CCL18: variants seen among roughly 807,000 people sequenced by gnomAD.
The protein encoded by CCL18 is C-C motif chemokine ligand 18, also known as C-C motif chemokine 18.
In CCL18, 7 loss-of-function variants were observed where a neutral mutation model predicts 8.0. The ratio of observed to expected loss-of-function variants is 0.87; its 90% CI spans 0.50 to 1.64. The LOEUF (loss-of-function observed/expected upper bound fraction) is 1.64, where lower values mean the gene tolerates loss of function less well. Among genes scored for constraint, CCL18 ranks in the 40% most tolerant of loss-of-function variants. The pLI is 0.00. For missense variants in CCL18, 95 were observed against 107.8 expected, an observed-to-expected ratio of 0.88 and a Z score of 0.52; for synonymous variants, 35 against 41.3, an observed-to-expected ratio of 0.85 and a Z score of 0.59.
intron 1 of CCL18, 86 bp from the exon 2 acceptor site, chr17:36,070,361 T>C: frequency 1.3e-6 from 1 of 773,354 alleles, no homozygotes; most frequent in Non-Finnish European, 2.3e-6. Flanking sequence ...CTCCCAGTTC[T>C]TCCTGACTCT....
At position 36,064,362 on chromosome 17, in the gene CCL18, C is replaced by T. The variant is rs377682562; in HGVS notation, c.20C>T (p.Ala7Val). Residue 7 changes from alanine (A) to valine (V), a missense_variant, in exon 1 of 3, where the codon GCC becomes GTC. Physicochemically the swap from Ala to Val is moderately conservative, Grantham distance 64. Coordinates refer to ENST00000616054, the MANE Select transcript of CCL18 (RefSeq NM_002988.4). MKGLAA[A>V]LLVLVCTMAL... ...AGCATCATGAAGGGCCTTGCAGCTG[C>T]CCTCCTTGTCCTCGTCTGCACCATG... The T allele has an allele frequency of 1.2e-5, 19 of 1,613,936 alleles. No homozygotes were observed. The highest frequency in any genetic ancestry group is 1.5e-5 in the Non-Finnish European group (18 of 1,179,966).
At chr17:36,070,783 G>A (rs1476953068) in intron 2 of CCL18, among the ~76,000 whole-genome samples, 168 bp from the exon 3 acceptor site, 1 of 152,226 alleles carries the variant, frequency 6.6e-6, no homozygotes, top group Non-Finnish European at 1.5e-5. Context: ...GCTTCCTGAG[G>A]AACCCCATCT....
At position 36,071,044 on chromosome 17, in the gene CCL18, G is replaced by C; in HGVS notation, c.*3G>C. On this transcript the variant is annotated 3_prime_UTR_variant, in exon 3 of 3. Transcript: ENST00000616054. ...GCGACCTGAAGCTGAATGCCTGAGG[G>C]GCCTGGAAGCTGCGAGGGCCCAGTG... is the stretch of plus-strand genomic sequence containing the variant. 6.2e-7 allele frequency: 1 copy of C among 1,609,548 alleles called. No homozygotes were observed. The highest frequency in any genetic ancestry group is 8.5e-7 in the Non-Finnish European group (1 of 1,175,952).
chr17:36,064,284 G>A lies in CCL18; in HGVS notation c.-59G>A, dbSNP rs1199397533. 1 of 1,301,360 alleles carries A rather than the reference G, an allele frequency of 7.7e-7. No individual in the cohort carries two copies. Among genetic ancestry groups the A allele is most frequent in the Non-Finnish European group, 1.1e-6 (1 of 894,436 alleles). 80.6% of individuals were successfully genotyped at this position (1,301,360 alleles called of 1,614,324 possible). A position where few individuals can be genotyped will look rare whatever the true frequency, so the allele number is the denominator to read the frequency against. ...CAGCTCATACCCCAGAAGGAGGCCA[G>A]GAGTTGTGAGTTTCCAAGCCCCAGC... On this transcript the variant is annotated 5_prime_UTR_variant, in exon 1 of 3. Transcript: ENST00000616054.
At chr17:36,066,091 C>G (rs2142050840) in intron 1 of CCL18, among the ~76,000 whole-genome samples, 1 of 152,320 alleles carries the variant, frequency 6.6e-6, no homozygotes, top group East Asian at 1.9e-4. Flanking sequence ...CTAGCCCTCT[C>G]CTGCCTTTCA....
chr17:36,065,974 A>C (rs2142050752), intron 1 of CCL18, among the ~76,000 whole-genome samples: 1 of 152,292 alleles, frequency 6.6e-6, no homozygotes, highest in South Asian at 2.1e-4. Flanking sequence ...TCTCAGGAGA[A>C]CTGAAGGAAC....
chr17:36,069,947 G>T (rs1158646934), intron 1 of CCL18, among the ~76,000 whole-genome samples: 2 of 152,228 alleles, frequency 1.3e-5, no homozygotes, highest in African/African-American at 4.8e-5. Context: ...GGATTTCAGG[G>T]ACTATTTCCC....
At chr17:36,064,445 G>A (rs376657736) in intron 1 of CCL18, 36 bp downstream of exon 1, 98 of 1,548,916 alleles carry the variant, frequency 6.3e-5, no homozygotes, top group Non-Finnish European at 8.4e-5. Flanking sequence ...ATGGCTCCCT[G>A]GGCAGAAGTC....
Position 36,071,130 on chromosome 17 carries a change from G to GCCCAGGAGGGAACAGGAGCCTGAGCC in CCL18, c.*89_*90insCCCAGGAGGGAACAGGAGCCTGAGCC. 1 of 815,538 alleles carries GCCCAGGAGGGAACAGGAGCCTGAGCC rather than the reference G, an allele frequency of 1.2e-6. No homozygotes were observed. The highest frequency in any genetic ancestry group is 2.0e-6 in the Non-Finnish European group (1 of 490,108). 50.5% of individuals were successfully genotyped at this position (815,538 alleles called of 1,614,324 possible). ...CCAGGGCAATGGCCCTGCCACCCTG[G>GCCCAGGAGGGAACAGGAGCCTGAGCC]AGGCTACCTCTTCTAAGAGTCCCAT... On this transcript the variant is annotated 3_prime_UTR_variant, in exon 3 of 3. Coordinates refer to ENST00000616054, the MANE Select transcript of CCL18 (RefSeq NM_002988.4).
chr17:36,067,372 G>A (rs1328496551), intron 1 of CCL18, among the ~76,000 whole-genome samples: 1 of 152,084 alleles, frequency 6.6e-6, no homozygotes, highest in Non-Finnish European at 1.5e-5. Context: ...TTTGCATACA[G>A]ATGTTTGGCA....
intron 1 of CCL18, among the ~76,000 whole-genome samples, chr17:36,066,154 C>G (rs1380908644): frequency 6.6e-6 from 1 of 152,196 alleles, no homozygotes; most frequent in African/African-American, 2.4e-5. Context: ...CATTTTGAAA[C>G]CTTTTGTGAA....
At chr17:36,068,265 C>A (rs2066847698) in intron 1 of CCL18, among the ~76,000 whole-genome samples, 1 of 151,678 alleles carries the variant, frequency 6.6e-6, no homozygotes, top group Non-Finnish European at 1.5e-5. Context: ...AGCAAATGAG[C>A]AAACAGTACT....
intron 1 of CCL18, among the ~76,000 whole-genome samples, chr17:36,064,647 T>G (rs1568522954): frequency 6.6e-6 from 1 of 152,200 alleles, no homozygotes; most frequent in South Asian, 2.1e-4. Flanking sequence ...GTCTAATTCA[T>G]TGGGTTATTA....
chr17:36,070,792 C>T (rs1215009540), intron 2 of CCL18, among the ~76,000 whole-genome samples, 159 bp from the exon 3 acceptor site: 1 of 152,244 alleles, frequency 6.6e-6, no homozygotes, highest in Non-Finnish European at 1.5e-5. Context: ...GGAACCCCAT[C>T]TGAGACATTT....
chr17:36,070,261 A>C, intron 1 of CCL18, 186 bp from the exon 2 acceptor site: 1 of 541,062 alleles, frequency 1.8e-6, no homozygotes, highest in Non-Finnish European at 3.3e-6. Context: ...CAAGAGAAAG[A>C]TGCAGAAATT....
intron 1 of CCL18, among the ~76,000 whole-genome samples, chr17:36,068,376 T>G (rs2142052238): frequency 1.3e-5 from 2 of 152,208 alleles, no homozygotes; most frequent in South Asian, 4.1e-4. Context: ...TTTCCTACCT[T>G]CAATGAAATT....
intron 1 of CCL18, among the ~76,000 whole-genome samples, chr17:36,069,915 C>T (rs564570016): frequency 6.6e-6 from 1 of 152,338 alleles, no homozygotes; most frequent in East Asian, 1.9e-4. Flanking sequence ...TCTCTAAGAC[C>T]TCCAAATACA....
Position 36,070,710 on chromosome 17 carries a change from C to T in CCL18, c.179+152C>T, listed in dbSNP as rs376716343. 5.6e-5 allele frequency: 36 copies of T among 648,002 alleles called. No individual in the cohort carries two copies. In the South Asian group the frequency reaches 6.8e-4, roughly 12 times the overall value. 40.1% of individuals were successfully genotyped at this position (648,002 alleles called of 1,614,324 possible). A position where few individuals can be genotyped will look rare whatever the true frequency, so the allele number is the denominator to read the frequency against. On this transcript the variant is annotated intron_variant, in intron 2 of 2. Coordinates refer to ENST00000616054, the MANE Select transcript of CCL18 (RefSeq NM_002988.4). ...GTTTTGTGACCTGGCCTGGGGCCTG[C>T]AGAGTCCTGAAGGGCCTGCCCCTGG...
At chr17:36,066,081 C>A (rs1483924837) in intron 1 of CCL18, among the ~76,000 whole-genome samples, 1 of 152,184 alleles carries the variant, frequency 6.6e-6, no homozygotes, top group Non-Finnish European at 1.5e-5. Flanking sequence ...ACAATGGGTC[C>A]TAGCCCTCTC....
Sources: gnomAD v4.1 joint callset for allele counts (sites outside exome capture counted in the v4.1 genomes callset) on GRCh38, gnomAD v4.1.1 for gene constraint, MANE v1.5 for transcripts, NCBI Gene and HGNC (gene_info 2026-07-23, HGNC 2026-07-21) for gene names.